The following PRKDC variants were observed in gnomAD, a reference collection of about 807,000 sequenced individuals.
PRKDC encodes the protein DNA-dependent protein kinase catalytic subunit.
In PRKDC, 82 loss-of-function variants were observed where a neutral mutation model predicts 486.9. That is an observed-to-expected ratio of 0.17 (90% CI 0.14 to 0.20). PRKDC has a LOEUF of 0.20. PRKDC is among the 10% of genes least tolerant of loss of function. PRKDC has a pLI of 1.00. For missense variants in PRKDC, 4,504 were observed against 5,038.2 expected, an observed-to-expected ratio of 0.89 and a Z score of 3.21; for synonymous variants, 1,895 against 1,837.0, an observed-to-expected ratio of 1.03 and a Z score of -0.81.
In PRKDC at chr8:47,778,394, A is replaced by T. The variant is rs8178251; in HGVS notation, c.11853+65T>A. 6,105 of 1,500,778 alleles carry T rather than the reference A, an allele frequency of 4.1e-3. 41 individuals carry two copies. Among genetic ancestry groups the T allele is most frequent in the Middle Eastern group, 0.031 (165 of 5,364 alleles). 93.0% of individuals were successfully genotyped at this position (1,500,778 alleles called of 1,614,324 possible). A position where few individuals can be genotyped will look rare whatever the true frequency, so the allele number is the denominator to read the frequency against. ...TTCCTTAAAAACTGTCTATTTCTGG[A>T]GGTTGTTGAAAGTCCTATGATGACT... On this transcript the variant is annotated intron_variant, in intron 83 of 85. Transcript: ENST00000314191.
chr8:47,856,384 T>G (rs772879571), intron 49 of PRKDC, among the ~76,000 whole-genome samples: 1 of 152,122 alleles, frequency 6.6e-6, no homozygotes. Flanking sequence ...TGCAGCACCA[T>G]GTCCAGTTAA....
rs1180550880 is a variant in PRKDC, at chr8:47,936,517, G to C, written c.1114C>G (p.Pro372Ala). The C allele has an allele frequency of 6.2e-7, 1 of 1,613,640 alleles. No individual in the cohort carries two copies. Among genetic ancestry groups the C allele is most frequent in the Admixed American group, 1.7e-5 (1 of 59,972 alleles). The change falls in exon 12 of 86, where the codon CCG (proline) becomes GCG (alanine). Residue 372 changes from proline (P) to alanine (A), a missense_variant and splice_region_variant. By Grantham distance (27) the Pro-to-Ala change is conservative (BLOSUM62 -1). Transcript: ENST00000314191. ...AIRGYGLFAG[P>A]CKVINAKDVD... Reference sequence around the variant, plus strand: ...TCTTTTGCGTTTATAACCTTGCACGGCTTTAGAAAAGGTAAAACAGAAGTC... The same window carrying C: ...TCTTTTGCGTTTATAACCTTGCACGCCTTTAGAAAAGGTAAAACAGAAGTC...
chr8:47,907,403 T>TAC (rs1476481524), intron 25 of PRKDC, among the ~76,000 whole-genome samples: 110 of 149,634 alleles, frequency 7.4e-4, no homozygotes, highest in African/African-American at 2.4e-3. Context: ...TAGCTATATA[T>TAC]ATATATATAC....
intron 7 of PRKDC, among the ~76,000 whole-genome samples, chr8:47,952,908 G>A (rs1206880280): frequency 6.6e-6 from 1 of 152,210 alleles, no homozygotes; most frequent in Non-Finnish European, 1.5e-5. Flanking sequence ...GGGAGGCCAA[G>A]GCAGGCAGAT....
chr8:47,916,233 G>A (rs1023100363), intron 22 of PRKDC, among the ~76,000 whole-genome samples: 3 of 152,230 alleles, frequency 2.0e-5, no homozygotes, highest in East Asian at 3.9e-4. Context: ...AGATCACGAG[G>A]TCAGGAGTTC....
At chr8:47,870,790 A>G (rs1234587061) in intron 40 of PRKDC, among the ~76,000 whole-genome samples, 1 of 152,248 alleles carries the variant, frequency 6.6e-6, no homozygotes, top group Non-Finnish European at 1.5e-5. Flanking sequence ...CAGACAGAGA[A>G]TTCAAAATAG....
chr8:47,810,505 G>A (rs143877033), intron 68 of PRKDC, among the ~76,000 whole-genome samples: 5 of 152,258 alleles, frequency 3.3e-5, no homozygotes, highest in Middle Eastern at 3.4e-3. Context: ...CTACAGATAA[G>A]AAGCGACTAC....
At chr8:47,807,434 T>A in intron 68 of PRKDC, 108 bp from the exon 69 acceptor site, 1 of 1,014,448 alleles carries the variant, frequency 9.9e-7, no homozygotes, top group Non-Finnish European at 1.4e-6. Context: ...TTCTTTTTTT[T>A]TTGAGATGGA....
At chr8:47,834,423 G>A in intron 58 of PRKDC, 27 bp from the exon 59 acceptor site, 1 of 1,609,250 alleles carries the variant, frequency 6.2e-7, no homozygotes, top group Non-Finnish European at 8.5e-7. Context: ...GAGAGGTCAG[G>A]CACTCAGCAT....
Position 47,955,259 on chromosome 8 carries a change from G to T in PRKDC, c.399+615C>A, listed in dbSNP as rs539609356. ...GGGCGGATCACGAGGTCAGGAGATCGAGACCATCCCGGCTAAAACGGTGAA... is the reference window on the plus strand; with the variant it reads ...GGGCGGATCACGAGGTCAGGAGATCTAGACCATCCCGGCTAAAACGGTGAA... On this transcript the variant is annotated intron_variant, in intron 4 of 85. Coordinates refer to ENST00000314191, the MANE Select transcript of PRKDC (RefSeq NM_006904.7). 2.7e-3 allele frequency among the ~76,000 whole-genome samples: 416 copies of T among 151,370 alleles called. 1 individual carries two copies. Among genetic ancestry groups the T allele is most frequent in the Non-Finnish European group, 3.2e-3 (215 of 67,792 alleles).
At chr8:47,778,009 C>A in intron 83 of PRKDC, 135 bp from the exon 84 acceptor site, 1 of 879,630 alleles carries the variant, frequency 1.1e-6, no homozygotes, top group East Asian at 2.7e-5. Flanking sequence ...TTGAAATCAG[C>A]TACACAGATG....
chr8:47,863,504 G>A lies in PRKDC; in HGVS notation c.5645C>T (p.Ser1882Phe), dbSNP rs527362956. 202 of 1,612,458 alleles carry A rather than the reference G, an allele frequency of 1.3e-4. 2 individuals carry two copies. The South Asian group carries it at 2.0e-3, about 16-fold the overall frequency. ...GYYKILDVMYSRLPKDDVHAK... is the reference protein window; with the variant it reads ...GYYKILDVMYFRLPKDDVHAK... ...ATGAACATCATCTTTGGGAAGGCGA[G>A]AATACATCACGTCTAGAATCTTATA... Residue 1882 changes from serine to phenylalanine, a missense_variant, in exon 42 of 86, where the codon TCT (serine) becomes TTT (phenylalanine). Coordinates refer to ENST00000314191, the MANE Select transcript of PRKDC (RefSeq NM_006904.7).
At chr8:47,851,279 T>A (rs938723008) in intron 52 of PRKDC, among the ~76,000 whole-genome samples, 1 of 152,250 alleles carries the variant, frequency 6.6e-6, no homozygotes, top group Non-Finnish European at 1.5e-5. Flanking sequence ...GCTCCATTTA[T>A]GGTGGAAATG....
intron 69 of PRKDC, 78 bp from the exon 70 acceptor site, chr8:47,803,558 C>G: frequency 7.4e-7 from 1 of 1,354,538 alleles, no homozygotes; most frequent in Non-Finnish European, 1.1e-6. Context: ...GCCTGCTTCC[C>G]CCTTTGCACG....
intron 46 of PRKDC, 88 bp downstream of exon 46, chr8:47,859,523 G>T (rs1435920789): frequency 3.5e-6 from 5 of 1,432,404 alleles, no homozygotes; most frequent in Middle Eastern, 3.8e-4. Flanking sequence ...CAGAGAACTG[G>T]CTTCCTGTAG....
Position 47,834,194 on chromosome 8 carries a change from A to C in PRKDC, c.8152+2T>G. 6.2e-7 allele frequency: 1 copy of C among 1,614,016 alleles called. No homozygotes were observed. ...TTAAGCACACTCAGCAACCCAGCTT[A>C]CCTTTCACTTTGTTATCCACCTCGT... is the stretch of plus-strand genomic sequence containing the variant. On this transcript the variant is annotated splice_donor_variant, in intron 59 of 85. Transcript: ENST00000314191. LOFTEE classifies it high-confidence loss of function.
chr8:47,940,409 C>A (rs2090424583), intron 10 of PRKDC, among the ~76,000 whole-genome samples: 1 of 152,132 alleles, frequency 6.6e-6, no homozygotes, highest in Non-Finnish European at 1.5e-5. Context: ...TGGAAGAAAT[C>A]TATCTAGACA....
At chr8:47,881,860 G>A in intron 37 of PRKDC, 52 bp downstream of exon 37, 1 of 1,442,724 alleles carries the variant, frequency 6.9e-7, no homozygotes, top group Admixed American at 2.5e-5. Flanking sequence ...AAAGACACAA[G>A]TTACAGAGTT....
chr8:47,897,307 A>G lies in PRKDC; in HGVS notation c.3465-13T>C. Reference sequence around the variant, plus strand: ...AGGTGGAAATCCTCTGCACAGAGACAGCATACTGTCATTAGTCCCTCTCCA... The same window carrying G: ...AGGTGGAAATCCTCTGCACAGAGACGGCATACTGTCATTAGTCCCTCTCCA... On this transcript the variant is annotated splice_polypyrimidine_tract_variant and intron_variant, in intron 29 of 85. Coordinates refer to ENST00000314191, the MANE Select transcript of PRKDC (RefSeq NM_006904.7). The G allele has an allele frequency of 6.4e-7, 1 of 1,557,196 alleles. No homozygotes were observed. The highest frequency in any genetic ancestry group is 8.8e-7 in the Non-Finnish European group (1 of 1,141,740).
Sources: allele counts gnomAD v4.1 joint callset (sites outside exome capture counted in the v4.1 genomes callset), GRCh38; gene constraint gnomAD v4.1.1; transcripts MANE v1.5; gene names NCBI Gene and HGNC (gene_info 2026-07-23, HGNC 2026-07-21).